TIMELESS: variants seen among roughly 807,000 people sequenced by gnomAD.
TIMELESS encodes timeless circadian regulator.
TIMELESS carries 124 observed loss-of-function variants against 164.3 expected under a neutral mutation model. That is an observed-to-expected ratio of 0.75 (90% CI 0.65 to 0.88). The LOEUF (loss-of-function observed/expected upper bound fraction) is 0.88, where lower values mean the gene tolerates loss of function less well. Among genes scored for constraint, TIMELESS ranks in the 40% least tolerant of loss-of-function variants. The pLI is 0.00. For missense variants in TIMELESS, 1,422 were observed against 1,491.4 expected, an observed-to-expected ratio of 0.95 and a Z score of 0.77; for synonymous variants, 564 against 563.4, an observed-to-expected ratio of 1.00 and a Z score of -0.02.
chr12:56,447,619 T>C (rs1868381350), intron 1 of TIMELESS, among the ~76,000 whole-genome samples: 1 of 152,104 alleles, frequency 6.6e-6, no homozygotes, highest in Non-Finnish European at 1.5e-5. Flanking sequence ...TCCTTAAGGG[T>C]CGGGAACTCT....
In TIMELESS at chr12:56,432,527, G is replaced by T; in HGVS notation, c.532-3C>A. 1 of 1,613,122 alleles carries T rather than the reference G, an allele frequency of 6.2e-7. No individual in the cohort carries two copies. The highest frequency in any genetic ancestry group is 8.5e-7 in the Non-Finnish European group (1 of 1,179,518). ...GCACTGGCGTCATCATCAATCTTCTGAGCAGTGAGTGGTGAGGGTAGAAAG... is the reference window on the plus strand; with the variant it reads ...GCACTGGCGTCATCATCAATCTTCTTAGCAGTGAGTGGTGAGGGTAGAAAG... On this transcript the variant is annotated splice_region_variant and splice_polypyrimidine_tract_variant and intron_variant, in intron 6 of 28. Transcript: ENST00000553532.
chr12:56,427,764 C>T (rs971684278), intron 13 of TIMELESS, among the ~76,000 whole-genome samples: 1 of 151,746 alleles, frequency 6.6e-6, no homozygotes, highest in East Asian at 1.9e-4. Context: ...TTAGTAGAGA[C>T]GGGGTTTCAC....
chr12:56,446,622 G>A (rs968712220), intron 1 of TIMELESS, among the ~76,000 whole-genome samples: 2 of 152,028 alleles, frequency 1.3e-5, no homozygotes, highest in Non-Finnish European at 2.9e-5. Context: ...CCTGAGGTCA[G>A]GACTTCAAGA....
At chr12:56,431,825 T>A (rs1032394333) in intron 7 of TIMELESS, among the ~76,000 whole-genome samples, 1 of 151,686 alleles carries the variant, frequency 6.6e-6, no homozygotes, top group African/African-American at 2.4e-5. Context: ...CATATATACA[T>A]ATATATATTT....
intron 15 of TIMELESS, 130 bp downstream of exon 15, chr12:56,424,632 G>A: frequency 9.3e-7 from 1 of 1,075,806 alleles, no homozygotes; most frequent in Non-Finnish European, 1.3e-6. Flanking sequence ...AAACGCCCCA[G>A]GAGTCAGTTG....
rs981012516 is a variant in TIMELESS at position 56,425,101 on chromosome 12, T to C, written c.1630A>G (p.Ile544Val). The change falls in exon 14 of 29, where the codon ATT becomes GTT. Residue 544 changes from isoleucine to valine, a missense_variant. Physicochemically the swap from Ile to Val is conservative, Grantham distance 29. Transcript: ENST00000553532. The part of the protein sequence containing the change: ...KKKKKVLDQA[I>V]VSGNVPSSPE... The stretch of plus-strand genomic sequence containing the variant: ...CTAGATGGGACATTACCAGAAACAA[T>C]GGCCTGGTCTAGGACCTTCTTCTTC... 2.5e-6 allele frequency: 4 copies of C among 1,613,986 alleles called. No homozygotes were observed. The highest frequency in any genetic ancestry group is 2.7e-5 in the African/African-American group (2 of 74,928).
At chr12:56,448,180 C>T (rs918594566) in intron 1 of TIMELESS, among the ~76,000 whole-genome samples, 1 of 151,998 alleles carries the variant, frequency 6.6e-6, no homozygotes, top group Non-Finnish European at 1.5e-5. Flanking sequence ...CCGACGCGGG[C>T]GGATCATTTG....
chr12:56,444,000 C>T (rs974645998), intron 1 of TIMELESS, among the ~76,000 whole-genome samples: 10 of 150,904 alleles, frequency 6.6e-5, no homozygotes, highest in East Asian at 1.9e-4. Context: ...TGGGTTCAAG[C>T]GATTATCTTG....
At chr12:56,427,498 C>A (rs576229040) in intron 13 of TIMELESS, among the ~76,000 whole-genome samples, 2 of 152,262 alleles carry the variant, frequency 1.3e-5, no homozygotes, top group African/African-American at 2.4e-5. Context: ...GATCTGGAGA[C>A]CGACACGACC....
chr12:56,437,765 GAA>G (rs1461425651), intron 1 of TIMELESS, among the ~76,000 whole-genome samples: 2 of 152,234 alleles, frequency 1.3e-5, no homozygotes, highest in South Asian at 2.1e-4. Context: ...GCATCAAAGA[GAA>G]AAAGTGTCCT....
chr12:56,436,490 G>T (rs529055841), intron 1 of TIMELESS, among the ~76,000 whole-genome samples: 1 of 152,160 alleles, frequency 6.6e-6, no homozygotes, highest in Admixed American at 6.5e-5. Context: ...TAAAAAGTTG[G>T]AGTCAGTAGA....
intron 13 of TIMELESS, among the ~76,000 whole-genome samples, chr12:56,425,849 T>C (rs1483989819): frequency 6.6e-6 from 1 of 151,894 alleles, no homozygotes; most frequent in Non-Finnish European, 1.5e-5. Context: ...CACTCCAGCT[T>C]AGGTAACAGA....
chr12:56,433,817 G>A lies in TIMELESS; in HGVS notation c.207C>T (p.Leu69=), dbSNP rs752351406. 2 of 1,614,078 alleles carry A rather than the reference G, an allele frequency of 1.2e-6. No homozygotes were observed. The highest frequency in any genetic ancestry group is 1.1e-5 in the South Asian group (1 of 91,090). ...GAGGCTTGTCCTGGTGGTGCTGGGTGAGGATGGGCAGAAGGTCGCTCTGTA... is the reference window on the plus strand; with the variant it reads ...GAGGCTTGTCCTGGTGGTGCTGGGTAAGGATGGGCAGAAGGTCGCTCTGTA... The part of the protein sequence containing the change: ...QILQSDLLPI[L]TQHHQDKPLF... The change falls in exon 3 of 29, where the codon CTC becomes CTT. Residue 69 remains leucine, a synonymous_variant. Coordinates refer to ENST00000553532, the MANE Select transcript of TIMELESS (RefSeq NM_003920.5).
rs1555176392 is a variant in TIMELESS, at chr12:56,419,459, A to AGAGTGT, written c.3229-1101_3229-1100insACACTC. On this transcript the variant is annotated intron_variant, in intron 26 of 28. Coordinates refer to ENST00000553532, the MANE Select transcript of TIMELESS (RefSeq NM_003920.5). ...AGAGGTCCATCAGTAAGACAGATGG[A>AGAGTGT]GTGTGTGTGTGTGTGTGTGTGTGTG... is the stretch of plus-strand genomic sequence containing the variant. Among the ~76,000 whole-genome samples, 161 of 148,050 alleles carry AGAGTGT rather than the reference A, an allele frequency of 1.1e-3. 1 individual carries two copies. The highest frequency in any genetic ancestry group is 3.7e-3 in the African/African-American group (150 of 40,158).
intron 1 of TIMELESS, among the ~76,000 whole-genome samples, chr12:56,438,722 G>A (rs1220111375): frequency 7.2e-6 from 1 of 139,356 alleles, no homozygotes; most frequent in Non-Finnish European, 1.5e-5. Flanking sequence ...AGGCTGCAAT[G>A]GGCTGATATT....
At position 56,433,846 on chromosome 12, in the gene TIMELESS, T is replaced by C. The variant is rs1048482502; in HGVS notation, c.178A>G (p.Ile60Val). The C allele has an allele frequency of 1.2e-6, 2 of 1,614,046 alleles. No individual in the cohort carries two copies. The highest frequency in any genetic ancestry group is 1.7e-6 in the Non-Finnish European group (2 of 1,180,038). The change falls in exon 3 of 29, where the codon ATC becomes GTC. Residue 60 changes from isoleucine (I) to valine (V), a missense_variant. Coordinates refer to ENST00000553532, the MANE Select transcript of TIMELESS (RefSeq NM_003920.5). ...DVRQQLGAAQ[I>V]LQSDLLPILT... ...ATGGGCAGAAGGTCGCTCTGTAGGA[T>C]CTGGGCTGCCCCCAGCTGCTGCCGC...
At position 56,422,097 on chromosome 12, in the gene TIMELESS, G is replaced by A. The variant is rs375406864; in HGVS notation, c.2524+9C>T. ...CCTCATAAACTCTCCAGATCCCAAGGCCTCTCACCTTCCACGTCCTTATTG... is the reference window on the plus strand; with the variant it reads ...CCTCATAAACTCTCCAGATCCCAAGACCTCTCACCTTCCACGTCCTTATTG... On this transcript the variant is annotated intron_variant, in intron 20 of 28. Transcript: ENST00000553532. 1.9e-6 allele frequency: 3 copies of A among 1,613,968 alleles called. No individual in the cohort carries two copies. The highest frequency in any genetic ancestry group is 1.7e-5 in the Admixed American group (1 of 59,984).
Position 56,425,094 on chromosome 12 carries a change from G to A in TIMELESS, c.1637C>T (p.Ser546Phe), listed in dbSNP as rs1469896156. 6 of 1,614,026 alleles carry A rather than the reference G, an allele frequency of 3.7e-6. No individual in the cohort carries two copies. Among genetic ancestry groups the A allele is most frequent in the African/African-American group, 1.3e-5 (1 of 74,938 alleles). ...TTCTGGGCTAGATGGGACATTACCA[G>A]AAACAATGGCCTGGTCTAGGACCTT... ...KKKVLDQAIV[S>F]GNVPSSPEEV... The change falls in exon 14 of 29, where the codon TCT (serine) becomes TTT (phenylalanine). Residue 546 changes from serine to phenylalanine, a missense_variant. Transcript: ENST00000553532.
intron 1 of TIMELESS, among the ~76,000 whole-genome samples, chr12:56,448,336 G>A (rs1018193759): frequency 6.6e-6 from 1 of 151,954 alleles, no homozygotes; most frequent in African/African-American, 2.4e-5. Flanking sequence ...AACTGGGGAG[G>A]CGGAGGTTGC....
Sources: gnomAD v4.1 joint callset for allele counts (sites outside exome capture counted in the v4.1 genomes callset) on GRCh38, gnomAD v4.1.1 for gene constraint, MANE v1.5 for transcripts, NCBI Gene and HGNC (gene_info 2026-07-23, HGNC 2026-07-21) for gene names.